The following AMBRA1 variants were observed in gnomAD, a reference collection of about 807,000 sequenced individuals.
The protein encoded by AMBRA1 is autophagy and beclin 1 regulator 1, also known as activating molecule in BECN1-regulated autophagy protein 1.
In AMBRA1, 47 loss-of-function variants were observed where a neutral mutation model predicts 125.4. That is an observed-to-expected ratio of 0.37 (90% CI 0.30 to 0.48). The LOEUF (loss-of-function observed/expected upper bound fraction) is 0.48, where lower values mean the gene tolerates loss of function less well. AMBRA1 is among the 20% of genes least tolerant of loss of function. The pLI, the probability that AMBRA1 is intolerant of heterozygous loss-of-function variation, is 0.99. For missense variants in AMBRA1, 1,331 were observed against 1,693.4 expected (o/e 0.79, Z 3.76); for synonymous variants, 626 against 655.5 (o/e 0.95, Z 0.69).
intron 17 of AMBRA1, among the ~76,000 whole-genome samples, chr11:46,398,401 T>G (rs1945558327): frequency 6.6e-6 from 1 of 152,246 alleles, no homozygotes. Flanking sequence ...GGAAACAGTC[T>G]GCTCTGCTTC....
chr11:46,512,483 T>C (rs1951299088), intron 8 of AMBRA1, among the ~76,000 whole-genome samples: 1 of 152,188 alleles, frequency 6.6e-6, no homozygotes, highest in African/African-American at 2.4e-5. Context: ...GTTCCTCCTC[T>C]AGCACCACAC....
At chr11:46,466,920 T>C (rs941598075) in intron 11 of AMBRA1, among the ~76,000 whole-genome samples, 8 of 85,132 alleles carry the variant, frequency 9.4e-5, no homozygotes, top group African/African-American at 2.5e-4. Flanking sequence ...CTTTTCTTTT[T>C]TCTTTTTTTT....
chr11:46,465,459 G>C (rs948775743), intron 11 of AMBRA1, among the ~76,000 whole-genome samples: 3 of 152,160 alleles, frequency 2.0e-5, no homozygotes, highest in African/African-American at 7.2e-5. Context: ...TTTTTTCTTA[G>C]TGTAGGGTCT....
intron 7 of AMBRA1, among the ~76,000 whole-genome samples, chr11:46,526,077 T>A (rs1951957793): frequency 6.6e-6 from 1 of 151,986 alleles, no homozygotes; most frequent in Non-Finnish European, 1.5e-5. Context: ...GGGTGGAATA[T>A]GCCTGTAATC....
chr11:46,454,440 A>G (rs1948755125), intron 11 of AMBRA1, among the ~76,000 whole-genome samples: 1 of 151,820 alleles, frequency 6.6e-6, no homozygotes, highest in Non-Finnish European at 1.5e-5. Context: ...CAGGTCAAAA[A>G]AGAAAGAGAA....
chr11:46,560,774 A>G (rs1293768613), intron 1 of AMBRA1, among the ~76,000 whole-genome samples: 2 of 152,238 alleles, frequency 1.3e-5, no homozygotes, highest in East Asian at 3.8e-4. Flanking sequence ...TTAAATGTAC[A>G]GAAATGGCAA....
intron 11 of AMBRA1, among the ~76,000 whole-genome samples, chr11:46,471,451 G>A (rs1053876684): frequency 4.6e-5 from 7 of 151,628 alleles, no homozygotes; most frequent in African/African-American, 1.2e-4. Context: ...GGTGGCGGGC[G>A]CCTGCAGTCC....
chr11:46,488,857 A>AG (rs1207484738), intron 11 of AMBRA1, among the ~76,000 whole-genome samples: 3 of 152,212 alleles, frequency 2.0e-5, no homozygotes, highest in Non-Finnish European at 4.4e-5. Flanking sequence ...AAAAAGTAAT[A>AG]GGTCAAAGAA....
chr11:46,443,687 G>T, intron 11 of AMBRA1, 89 bp from the exon 12 acceptor site: 2 of 1,140,762 alleles, frequency 1.8e-6, no homozygotes, highest in Non-Finnish European at 2.6e-6. Flanking sequence ...ATTAGTAGTG[G>T]GGAGAGAAGA....
At chr11:46,498,055 T>C (rs1950703042) in intron 9 of AMBRA1, among the ~76,000 whole-genome samples, 1 of 152,166 alleles carries the variant, frequency 6.6e-6, no homozygotes. Context: ...AAGGTCGACA[T>C]CAAGCCAAGG....
Position 46,554,619 on chromosome 11 carries a change from C to T in AMBRA1, c.-120-6119G>A, listed in dbSNP as rs145793822. 1.0e-3 allele frequency among the ~76,000 whole-genome samples: 155 copies of T among 152,262 alleles called. 1 individual carries two copies. Among genetic ancestry groups the T allele is most frequent in the African/African-American group, 3.6e-3 (151 of 41,548 alleles). The stretch of plus-strand genomic sequence containing the variant: ...GCTGTTGCTTTAAAAGGATAAGGGA[C>T]TTCTCTCCTGATATGCTCTTACCAG... On this transcript the variant is annotated intron_variant, in intron 1 of 17. Coordinates refer to ENST00000683756, the MANE Select transcript of AMBRA1 (RefSeq NM_001387011.1).
intron 14 of AMBRA1, among the ~76,000 whole-genome samples, chr11:46,432,102 G>A (rs1001595663): frequency 1.3e-5 from 2 of 151,902 alleles, no homozygotes; most frequent in African/African-American, 4.8e-5. Context: ...GTCAGGTTCC[G>A]CATGAAGTTC....
intron 11 of AMBRA1, among the ~76,000 whole-genome samples, chr11:46,481,213 C>T (rs992962681): frequency 3.3e-5 from 5 of 152,082 alleles, no homozygotes; most frequent in South Asian, 4.1e-4. Context: ...ATGTAATCAC[C>T]GCCCCAGCCT....
At chr11:46,431,674 C>T (rs182837871) in intron 14 of AMBRA1, among the ~76,000 whole-genome samples, 44 of 152,266 alleles carry the variant, frequency 2.9e-4, no homozygotes, top group Non-Finnish European at 2.2e-4. Context: ...CACAATTAGG[C>T]CGGAAGGGTT....
chr11:46,456,993 C>T (rs1223747862), intron 11 of AMBRA1, among the ~76,000 whole-genome samples: 1 of 152,202 alleles, frequency 6.6e-6, no homozygotes. Context: ...TAAAACTTTC[C>T]TTACAGGCCA....
chr11:46,555,867 T>C (rs189815083), intron 1 of AMBRA1, among the ~76,000 whole-genome samples: 2 of 152,364 alleles, frequency 1.3e-5, no homozygotes, highest in South Asian at 2.1e-4. Context: ...CAAGAAGCTG[T>C]TAAAATGGAG....
chr11:46,571,883 TTTC>T (rs1334825512), intron 1 of AMBRA1, among the ~76,000 whole-genome samples: 6 of 151,508 alleles, frequency 4.0e-5, no homozygotes, highest in African/African-American at 7.3e-5. Flanking sequence ...AGAGACAGGG[TTTC>T]ACCATGTTGG....
chr11:46,573,789 T>A (rs1360515952), intron 1 of AMBRA1, among the ~76,000 whole-genome samples: 2 of 150,270 alleles, frequency 1.3e-5, no homozygotes, highest in African/African-American at 4.9e-5. Context: ...TAGCATTAGG[T>A]ATACCTCCCA....
At chr11:46,486,822 CTTGAA>C in intron 11 of AMBRA1, among the ~76,000 whole-genome samples, 1 of 152,086 alleles carries the variant, frequency 6.6e-6, no homozygotes, top group East Asian at 1.9e-4. Context: ...AGGAGAATGG[CTTGAA>C]CCCAGGAGAT....
Sources: allele counts gnomAD v4.1 joint callset (sites outside exome capture counted in the v4.1 genomes callset), GRCh38; gene constraint gnomAD v4.1.1; transcripts MANE v1.5; gene names NCBI Gene and HGNC (gene_info 2026-07-23, HGNC 2026-07-21).